The following TRANK1 variants were observed in gnomAD, a reference collection of about 807,000 sequenced individuals.
The protein encoded by TRANK1 is TPR and ankyrin repeat-containing protein 1.
A neutral mutation model predicts 266.0 loss-of-function variants in TRANK1; 198 were observed. The observed-to-expected ratio is 0.74, with a 90% CI of 0.66 to 0.84. The LOEUF (loss-of-function observed/expected upper bound fraction) is 0.84. Ranked by LOEUF, TRANK1 falls within the 40% of genes least tolerant of loss-of-function variation. TRANK1 has a pLI of 0.00. For missense variants in TRANK1, 3,326 were observed against 3,634.6 expected, an observed-to-expected ratio of 0.92 and a Z score of 2.18; for synonymous variants, 1,396 against 1,384.1, an observed-to-expected ratio of 1.01 and a Z score of -0.19.
At chr3:36,838,224 T>C in intron 20 of TRANK1, 148 bp downstream of exon 20, 2 of 1,236,632 alleles carry the variant, frequency 1.6e-6, no homozygotes, top group Admixed American at 5.2e-5. Context: ...GTAGTGAAAG[T>C]AGGCTTCCCT....
intron 17 of TRANK1, 36 bp from the exon 18 acceptor site, chr3:36,842,746 G>A: frequency 3.2e-6 from 5 of 1,580,066 alleles, no homozygotes; most frequent in Non-Finnish European, 4.3e-6. Flanking sequence ...TGCTTCTCTG[G>A]GCTTTCTTTC....
chr3:36,851,080 G>C, intron 15 of TRANK1: 1 of 985,456 alleles, frequency 1.0e-6, no homozygotes, highest in Non-Finnish European at 1.2e-6. Context: ...ACTAAGCTTG[G>C]GGAGAAAAAC....
chr3:36,918,580 A>T lies in TRANK1; in HGVS notation c.24-10126T>A, dbSNP rs1207955831. On this transcript the variant is annotated intron_variant, in intron 1 of 23. Coordinates refer to ENST00000645898, the MANE Select transcript of TRANK1 (RefSeq NM_001329998.2). ...GAAGGAAGGTAGGAAGGAAGGAAGG[A>T]AGGAAGGAAGGAAGGAAGGAAGGAA... 1.9e-3 allele frequency among the ~76,000 whole-genome samples: 193 copies of T among 104,096 alleles called. 2 individuals carry two copies. Among genetic ancestry groups the T allele is most frequent in the African/African-American group, 6.6e-3 (168 of 25,574 alleles). 68.3% of individuals were successfully genotyped at this position (104,096 alleles called of 152,430 possible). A position where few individuals can be genotyped will look rare whatever the true frequency, so the allele number is the denominator to read the frequency against.
At chr3:36,911,953 G>A (rs936201889) in intron 1 of TRANK1, among the ~76,000 whole-genome samples, 3 of 152,154 alleles carry the variant, frequency 2.0e-5, no homozygotes, top group Admixed American at 6.5e-5. Context: ...TTGGGAGGCC[G>A]AAGCAGGCAG....
At chr3:36,895,472 CTAAT>C (rs1324880999) in intron 5 of TRANK1, among the ~76,000 whole-genome samples, 164 bp downstream of exon 5, 11 of 152,104 alleles carry the variant, frequency 7.2e-5, no homozygotes, top group African/African-American at 2.2e-4. Context: ...TGGAAACTGG[CTAAT>C]TAATCTATCT....
rs767531864 is a variant in TRANK1, at chr3:36,833,505, C to A, written c.6078G>T (p.Leu2026Phe). ...GGAAGTGGGCCTCCGCAATGCCAGA[C>A]AACTGGCCAGTTTGATAGCAGATAT... Reference protein sequence around the residue: ...ALDICYQTGQLSGIAEAHFLQ... With the variant: ...ALDICYQTGQFSGIAEAHFLQ... The change falls in exon 22 of 24, where the codon TTG becomes TTT. Residue 2026 changes from leucine to phenylalanine, a missense_variant. Leu to Phe is a conservative substitution (Grantham distance 22). Transcript: ENST00000645898. The A allele has an allele frequency of 3.1e-6, 5 of 1,613,910 alleles. No homozygotes were observed. Among genetic ancestry groups the A allele is most frequent in the African/African-American group, 1.3e-5 (1 of 75,064 alleles).
intron 8 of TRANK1, among the ~76,000 whole-genome samples, chr3:36,881,475 T>C (rs2125590447): frequency 6.6e-6 from 1 of 151,014 alleles, no homozygotes; most frequent in African/African-American, 2.4e-5. Context: ...TAGCCAAGCA[T>C]GGTGGCACAT....
At position 36,831,010 on chromosome 3, in the gene TRANK1, T is replaced by G. The variant is rs776219377; in HGVS notation, c.8573A>C (p.Asp2858Ala). The G allele has an allele frequency of 1.9e-6, 3 of 1,614,044 alleles. No homozygotes were observed. Among genetic ancestry groups the G allele is most frequent in the Non-Finnish European group, 2.5e-6 (3 of 1,179,892 alleles). The change falls in exon 22 of 24, where the codon GAC (aspartate) becomes GCC (alanine). Residue 2858 changes from aspartate (D) to alanine (A), a missense_variant. By Grantham distance (126) the Asp-to-Ala change is moderately radical. Coordinates refer to ENST00000645898, the MANE Select transcript of TRANK1 (RefSeq NM_001329998.2). The surrounding 1 kb of genome is among the most constrained non-coding windows in gnomAD (Gnocchi z 5.0). ...GTGGATCCATACACTTTGCTCGATG[T>G]CCTGCACCACCAGCTTGCCTTCATC... Reference protein sequence around the residue: ...AIDEGKLVVQDIEQSVWIHSH... With the variant: ...AIDEGKLVVQAIEQSVWIHSH...
At chr3:36,854,049 C>T (rs2079018046) in intron 13 of TRANK1, among the ~76,000 whole-genome samples, 1 of 152,192 alleles carries the variant, frequency 6.6e-6, no homozygotes. Flanking sequence ...TAGAACTCCA[C>T]ATTATCAACA....
In TRANK1 at chr3:36,857,429, C is replaced by T. The variant is rs766670061; in HGVS notation, c.2293G>A (p.Gly765Ser). 8 of 1,613,896 alleles carry T rather than the reference C, an allele frequency of 5.0e-6. No homozygotes were observed. The East Asian group carries it at 1.8e-4, about 36-fold the overall frequency. ...TTGTCATCTTTCTTTCCTTCTTTGCCAGCTCCTGCCTCCAGAGGCTCAGAG... is the reference window on the plus strand; with the variant it reads ...TTGTCATCTTTCTTTCCTTCTTTGCTAGCTCCTGCCTCCAGAGGCTCAGAG... ...QSSEPLEAGA[G>S]KEGKKDDKPT... Residue 765 changes from glycine (G) to serine (S), a missense_variant, in exon 13 of 24, where the codon GGC becomes AGC. By Grantham distance (56) the Gly-to-Ser change is moderately conservative. Transcript: ENST00000645898. The surrounding 1 kb of genome is among the most constrained non-coding windows in gnomAD (Gnocchi z 4.3).
chr3:36,870,253 C>T (rs190575292), intron 9 of TRANK1, among the ~76,000 whole-genome samples: 3 of 152,192 alleles, frequency 2.0e-5, no homozygotes, highest in Non-Finnish European at 1.5e-5. Context: ...ACAAAAAATA[C>T]AAAATTAGCC....
At position 36,856,346 on chromosome 3, in the gene TRANK1, C is replaced by G; in HGVS notation, c.3376G>C (p.Glu1126Gln). ...KRRLEVEPGK[E>Q]SPGGEEEEEE... ...TCCTCTTCCTCCCCACCTGGACTCT[C>G]TTTTCCGGGTTCCACTTCCAACCTT... is the stretch of plus-strand genomic sequence containing the variant. The change falls in exon 13 of 24, where the codon GAG (glutamate) becomes CAG (glutamine). Residue 1126 changes from glutamate (E) to glutamine (Q), a missense_variant. Physicochemically the swap from Glu to Gln is conservative, Grantham distance 29. Transcript: ENST00000645898. 1 of 1,575,432 alleles carries G rather than the reference C, an allele frequency of 6.3e-7. No individual in the cohort carries two copies. The highest frequency in any genetic ancestry group is 8.6e-7 in the Non-Finnish European group (1 of 1,160,552).
chr3:36,883,194 A>G (rs2079554710), intron 8 of TRANK1, among the ~76,000 whole-genome samples: 1 of 152,196 alleles, frequency 6.6e-6, no homozygotes, highest in Non-Finnish European at 1.5e-5. Context: ...TAATCTCAGC[A>G]TTTTGTGAGA....
rs1172453389 is a variant in TRANK1 at position 36,879,752 on chromosome 3, AT to A, written c.908-5457del. ...TATATATAAATATACAAATATATAA[AT>A]ATATATAAATATATATAAATATATA... is the stretch of plus-strand genomic sequence containing the variant. On this transcript the variant is annotated intron_variant, in intron 8 of 23. Coordinates refer to ENST00000645898, the MANE Select transcript of TRANK1 (RefSeq NM_001329998.2). Among the ~76,000 whole-genome samples, 9 of 98,070 alleles carry A rather than the reference AT, an allele frequency of 9.2e-5. 3 individuals carry two copies. The highest frequency in any genetic ancestry group is 1.7e-4 in the Non-Finnish European group (9 of 53,874). 64.3% of individuals were successfully genotyped at this position (98,070 alleles called of 152,430 possible). A position where few individuals can be genotyped will look rare whatever the true frequency, so the allele number is the denominator to read the frequency against.
intron 2 of TRANK1, among the ~76,000 whole-genome samples, chr3:36,904,414 G>T (rs1433243312): frequency 3.3e-5 from 5 of 151,686 alleles, no homozygotes; most frequent in East Asian, 3.9e-4. Flanking sequence ...CAGCTACATG[G>T]CAGGCTGAGG....
intron 1 of TRANK1, among the ~76,000 whole-genome samples, chr3:36,943,844 A>G (rs2080532237): frequency 6.6e-6 from 1 of 152,126 alleles, no homozygotes; most frequent in African/African-American, 2.4e-5. Flanking sequence ...TAGGGGAACT[A>G]GAGACCTCAG....
At chr3:36,931,677 G>A (rs1375986645) in intron 1 of TRANK1, among the ~76,000 whole-genome samples, 2 of 152,096 alleles carry the variant, frequency 1.3e-5, no homozygotes, top group African/African-American at 4.8e-5. Flanking sequence ...ACTACAGGCT[G>A]GACAACACAG....
chr3:36,857,905 C>A lies in TRANK1; in HGVS notation c.1817G>T (p.Arg606Leu), dbSNP rs752587047. 1 of 1,610,130 alleles carries A rather than the reference C, an allele frequency of 6.2e-7. No homozygotes were observed. Among genetic ancestry groups the A allele is most frequent in the Non-Finnish European group, 8.5e-7 (1 of 1,179,878 alleles). ...HILFQKGMLKRVKKLLDLLVK... is the reference protein window; with the variant it reads ...HILFQKGMLKLVKKLLDLLVK... ...CAGCAGGTCTAACAGCTTCTTCACG[C>A]GCTTTAGCATGCCCTTCTGGAAGAG... Residue 606 changes from arginine to leucine, a missense_variant, in exon 13 of 24, where the codon CGC (arginine) becomes CTC (leucine). Transcript: ENST00000645898. This position sits in a 1 kb window ranked among gnomAD's most constrained non-coding sequence, Gnocchi z 4.3.
At chr3:36,864,554 T>G (rs2079187359) in intron 9 of TRANK1, 74 bp from the exon 10 acceptor site, 1 of 1,375,232 alleles carries the variant, frequency 7.3e-7, no homozygotes. Flanking sequence ...ATAACCACAA[T>G]TCTCCAACCC....
Sources: gnomAD v4.1 joint callset for allele counts (sites outside exome capture counted in the v4.1 genomes callset) on GRCh38, gnomAD v4.1.1 for gene constraint, Gnocchi (gnomAD v3.1) non-coding constraint, MANE v1.5 for transcripts, NCBI Gene and HGNC (gene_info 2026-07-23, HGNC 2026-07-21) for gene names.